Variants in GRIK2 observed in about 807,000 individuals in gnomAD.
The protein encoded by GRIK2 is glutamate receptor ionotropic, kainate 2.
Under a neutral mutation model 100.3 loss-of-function variants are expected in GRIK2, and 32 were observed. The ratio of observed to expected loss-of-function variants is 0.32; its 90% CI spans 0.24 to 0.43. The LOEUF (loss-of-function observed/expected upper bound fraction) is 0.43. Among genes scored for constraint, GRIK2 ranks in the 20% least tolerant of loss-of-function variants. GRIK2 has a pLI of 1.00. For missense variants in GRIK2, 843 were observed against 1,114.9 expected, an observed-to-expected ratio of 0.76 and a Z score of 3.47; for synonymous variants, 417 against 389.4, an observed-to-expected ratio of 1.07 and a Z score of -0.83.
At chr6:101,636,586 T>C (rs1203396411) in intron 4 of GRIK2, among the ~76,000 whole-genome samples, 1 of 152,082 alleles carries the variant, frequency 6.6e-6, no homozygotes, top group East Asian at 1.9e-4. Context: ...AATTCTCAAG[T>C]TTTAAAACCT....
chr6:101,731,417 A>G (rs1345573247), intron 7 of GRIK2, among the ~76,000 whole-genome samples: 8 of 152,058 alleles, frequency 5.3e-5, no homozygotes, highest in Admixed American at 4.6e-4. Flanking sequence ...AAATGCGATT[A>G]TACAATTTCA....
chr6:101,787,548 C>T (rs557339483), intron 7 of GRIK2, among the ~76,000 whole-genome samples: 2 of 152,046 alleles, frequency 1.3e-5, no homozygotes, highest in Admixed American at 6.6e-5. Context: ...GCTTAATTTA[C>T]TCCATGACCT....
chr6:101,691,117 T>C (rs1394083771), intron 7 of GRIK2, among the ~76,000 whole-genome samples: 2 of 151,818 alleles, frequency 1.3e-5, no homozygotes, highest in African/African-American at 4.9e-5. Flanking sequence ...ATTGAATAAA[T>C]GCATTTGTTA....
At chr6:101,827,467 A>G (rs1647591642) in intron 10 of GRIK2, among the ~76,000 whole-genome samples, 1 of 147,960 alleles carries the variant, frequency 6.8e-6, no homozygotes, top group Non-Finnish European at 1.5e-5. Flanking sequence ...CCCACATTGG[A>G]TTAAAAAAAC....
At chr6:101,762,250 T>G (rs947008573) in intron 7 of GRIK2, among the ~76,000 whole-genome samples, 1 of 151,704 alleles carries the variant, frequency 6.6e-6, no homozygotes, top group Non-Finnish European at 1.5e-5. Flanking sequence ...TCATAACTCA[T>G]TGCAGCCTCA....
At chr6:101,442,972 A>G (rs1274250694) in intron 2 of GRIK2, among the ~76,000 whole-genome samples, 2 of 152,158 alleles carry the variant, frequency 1.3e-5, no homozygotes, top group African/African-American at 2.4e-5. Flanking sequence ...TTCTTTTCCT[A>G]TAATGTTTAC....
chr6:101,419,933 C>T (rs1562124299), intron 2 of GRIK2, among the ~76,000 whole-genome samples: 1 of 152,194 alleles, frequency 6.6e-6, no homozygotes, highest in Non-Finnish European at 1.5e-5. Context: ...GACCCTCAAG[C>T]AGCCTTTCCT....
At chr6:101,871,291 A>G (rs1422055470) in intron 11 of GRIK2, among the ~76,000 whole-genome samples, 1 of 151,894 alleles carries the variant, frequency 6.6e-6, no homozygotes, top group African/African-American at 2.4e-5. Flanking sequence ...ACCAAACTCT[A>G]GATGAAAATT....
chr6:101,716,708 C>T (rs933066543), intron 7 of GRIK2, among the ~76,000 whole-genome samples: 1 of 151,522 alleles, frequency 6.6e-6, no homozygotes, highest in Non-Finnish European at 1.5e-5. Context: ...ATGTAACAAA[C>T]CTGCATGTTG....
In GRIK2 at chr6:101,584,596, C is replaced by T. The variant is rs76150171; in HGVS notation, c.116-37353C>T. The stretch of plus-strand genomic sequence containing the variant: ...ACAAAGTCAAAAGAATGAATCATTT[C>T]TTCTGTGAAGTAAATAAGCATCAAA... On this transcript the variant is annotated intron_variant, in intron 2 of 16. Coordinates refer to ENST00000369134, the MANE Select transcript of GRIK2 (RefSeq NM_021956.5). 5.9e-4 allele frequency among the ~76,000 whole-genome samples: 90 copies of T among 152,052 alleles called. 2 individuals carry two copies. The East Asian group carries it at 0.017, about 29-fold the overall frequency.
Position 101,731,371 on chromosome 6 carries a change from T to G in GRIK2, c.951+45018T>G, listed in dbSNP as rs534274989. Among the ~76,000 whole-genome samples the G allele has an allele frequency of 6.6e-4, 100 of 152,104 alleles. 2 individuals are homozygous for G. In the South Asian group the frequency reaches 0.02, roughly 30 times the overall value. On this transcript the variant is annotated intron_variant, in intron 7 of 16. Transcript: ENST00000369134. ...AGTGAAAATAATGTATAAACAAAGC[T>G]TCTGCCCTAGTTCATTATAATTGGG...
At chr6:101,572,923 C>T (rs937652752) in intron 2 of GRIK2, among the ~76,000 whole-genome samples, 4 of 151,502 alleles carry the variant, frequency 2.6e-5, no homozygotes, top group Non-Finnish European at 5.9e-5. Flanking sequence ...ACCTTGGCTC[C>T]CTGCAACCTC....
intron 14 of GRIK2, among the ~76,000 whole-genome samples, chr6:101,998,333 A>G (rs1794755787): frequency 6.6e-6 from 1 of 152,102 alleles, no homozygotes; most frequent in South Asian, 2.1e-4. Context: ...TGTGTACTCA[A>G]TTTGTGCTCC....
chr6:101,457,435 A>G (rs1427097247), intron 2 of GRIK2, among the ~76,000 whole-genome samples: 1 of 152,154 alleles, frequency 6.6e-6, no homozygotes, highest in Non-Finnish European at 1.5e-5. Flanking sequence ...GGCACTTGAC[A>G]TACCTGAGAT....
chr6:101,473,109 C>CTTCCTTCCTTCT (rs1772036783), intron 2 of GRIK2, among the ~76,000 whole-genome samples: 1 of 18,266 alleles, frequency 5.5e-5, no homozygotes, highest in East Asian at 1.1e-3. Context: ...TCCTTCCTTC[C>CTTCCTTCCTTCT]TTCCTTCCTT....
In GRIK2 at chr6:102,068,794, T is replaced by A. The variant is rs190323458; in HGVS notation, c.*283T>A. ...TGCGCATTTTGTGGCTGATTTCAAA[T>A]GCAGTCCAGTGAGAAATTACAGGTT... On this transcript the variant is annotated 3_prime_UTR_variant, in exon 17 of 17. Coordinates refer to ENST00000369134, the MANE Select transcript of GRIK2 (RefSeq NM_021956.5). 1.1e-3 allele frequency: 248 copies of A among 231,590 alleles called. No individual in the cohort carries two copies. Among genetic ancestry groups the A allele is most frequent in the Non-Finnish European group, 1.7e-3 (207 of 118,318 alleles). The allele number at this position is 231,590 out of a possible 1,614,324, so 14.3% of individuals were successfully genotyped here.
intron 2 of GRIK2, among the ~76,000 whole-genome samples, chr6:101,558,561 T>C (rs1004518122): frequency 6.6e-6 from 1 of 152,098 alleles, no homozygotes; most frequent in African/African-American, 2.4e-5. Flanking sequence ...TTATAACACC[T>C]GGGAATGTGG....
chr6:101,746,727 C>G (rs1167991082), intron 7 of GRIK2, among the ~76,000 whole-genome samples: 2 of 152,136 alleles, frequency 1.3e-5, no homozygotes, highest in Non-Finnish European at 2.9e-5. Context: ...TTTTCACTTC[C>G]ACTTTCTAAT....
chr6:101,840,215 C>T (rs757038444), intron 10 of GRIK2, among the ~76,000 whole-genome samples: 2 of 152,086 alleles, frequency 1.3e-5, no homozygotes, highest in Admixed American at 6.6e-5. Context: ...ATAAAATGTC[C>T]TTTGAGTCTG....
Sources: allele counts gnomAD v4.1 joint callset (sites outside exome capture counted in the v4.1 genomes callset), GRCh38; gene constraint gnomAD v4.1.1; transcripts MANE v1.5; gene names NCBI Gene and HGNC (gene_info 2026-07-23, HGNC 2026-07-21).